SPHKAP: variants seen among roughly 807,000 people sequenced by gnomAD.
SPHKAP encodes the protein A-kinase anchor protein SPHKAP.
A neutral mutation model predicts 137.5 loss-of-function variants in SPHKAP; 67 were observed. That is an observed-to-expected ratio of 0.49 (90% CI 0.40 to 0.60). The LOEUF (loss-of-function observed/expected upper bound fraction) is 0.60. SPHKAP is among the 20% of genes least tolerant of loss of function. The pLI, the probability that SPHKAP is intolerant of heterozygous loss-of-function variation, is 0.00. For synonymous variants in SPHKAP, 813 were observed against 785.3 expected, an observed-to-expected ratio of 1.04 and a Z score of -0.59; for missense variants, 2,097 against 2,069.3, an observed-to-expected ratio of 1.01 and a Z score of -0.26.
At chr2:228,167,972 C>T (rs1277432126) in intron 1 of SPHKAP, among the ~76,000 whole-genome samples, 1 of 152,080 alleles carries the variant, frequency 6.6e-6, no homozygotes, top group Non-Finnish European at 1.5e-5. Flanking sequence ...CTTTAGTATA[C>T]ACTGATATAT....
intron 3 of SPHKAP, among the ~76,000 whole-genome samples, chr2:228,055,648 G>T (rs1265960457): frequency 6.6e-6 from 1 of 152,184 alleles, no homozygotes; most frequent in Non-Finnish European, 1.5e-5. Flanking sequence ...AGGTTAAGGG[G>T]AGCTGGCGAC....
intron 1 of SPHKAP, among the ~76,000 whole-genome samples, chr2:228,162,467 A>T (rs913957439): frequency 3.9e-5 from 6 of 152,228 alleles, no homozygotes; most frequent in African/African-American, 1.4e-4. Context: ...AAACTTGAAC[A>T]AGACCAGTGG....
intron 1 of SPHKAP, among the ~76,000 whole-genome samples, chr2:228,134,488 G>T (rs1488497793): frequency 6.6e-6 from 1 of 152,148 alleles, no homozygotes; most frequent in Non-Finnish European, 1.5e-5. Flanking sequence ...TATCTTTACA[G>T]GTTTCCTACA....
intron 1 of SPHKAP, among the ~76,000 whole-genome samples, chr2:228,135,751 TGTGA>T (rs1165176337): frequency 1.3e-5 from 2 of 152,216 alleles, no homozygotes; most frequent in Non-Finnish European, 2.9e-5. Flanking sequence ...TGTTCATTGT[TGTGA>T]GTATTAAACG....
chr2:228,052,472 A>G (rs1696291497), intron 3 of SPHKAP, among the ~76,000 whole-genome samples: 1 of 152,216 alleles, frequency 6.6e-6, no homozygotes, highest in Non-Finnish European at 1.5e-5. Flanking sequence ...ACAAACAAAA[A>G]GAATCAGAAC....
Position 228,043,789 on chromosome 2 carries a change from TTA to T in SPHKAP, c.247-16248_247-16247del, listed in dbSNP as rs374500616. ...GCATGCTTTACAATTTTGTAGAATT[TTA>T]TGTTTTAACTCTTCCACTAAGCTTC... On this transcript the variant is annotated intron_variant, in intron 3 of 11. Transcript: ENST00000392056. Among the ~76,000 whole-genome samples, 115 of 152,226 alleles carry T rather than the reference TTA, an allele frequency of 7.6e-4. 1 individual carries two copies. Among genetic ancestry groups the T allele is most frequent in the Middle Eastern group, 3.4e-3 (1 of 294 alleles).
At position 227,983,967 on chromosome 2, in the gene SPHKAP, C is replaced by T. The variant is rs558098393; in HGVS notation, c.4960-2107G>A. ...TGCTTCATGCTCATGGTAACAGCCACGGTGGGCCAGCTCATTCACTCCCAT... is the reference window on the plus strand; with the variant it reads ...TGCTTCATGCTCATGGTAACAGCCATGGTGGGCCAGCTCATTCACTCCCAT... On this transcript the variant is annotated intron_variant, in intron 11 of 11. Coordinates refer to ENST00000392056, the MANE Select transcript of SPHKAP (RefSeq NM_001142644.2). 1.2e-3 allele frequency among the ~76,000 whole-genome samples: 179 copies of T among 151,942 alleles called. 5 individuals are homozygous for T. Among genetic ancestry groups the T allele is most frequent in the Admixed American group, 1.0e-3 (16 of 15,240 alleles).
Position 228,019,970 on chromosome 2 carries a change from G to T in SPHKAP, c.884C>A (p.Ala295Asp), listed in dbSNP as rs61752226. 4.1e-5 allele frequency: 66 copies of T among 1,614,158 alleles called. No individual in the cohort carries two copies. The highest frequency in any genetic ancestry group is 2.7e-4 in the African/African-American group (20 of 75,042). The change falls in exon 7 of 12, where the codon GCC (alanine) becomes GAC (aspartate). Residue 295 changes from alanine (A) to aspartate (D), a missense_variant. Physicochemically the swap from Ala to Asp is moderately radical, Grantham distance 126. Transcript: ENST00000392056. ...GGCTGAGGGATCTAGACTCTGCAAG[G>T]CTGTGTTCTTTGTTAGGTTTTCTGG... ...RSPENLTKNT[A>D]LQSLDPSAKP...
intron 2 of SPHKAP, among the ~76,000 whole-genome samples, chr2:228,114,540 A>G (rs1050012547): frequency 6.6e-6 from 1 of 152,144 alleles, no homozygotes; most frequent in African/African-American, 2.4e-5. Context: ...TTTTACGTCT[A>G]TTACATGAAG....
chr2:228,135,140 G>A (rs1455588513), intron 1 of SPHKAP, among the ~76,000 whole-genome samples: 4 of 152,074 alleles, frequency 2.6e-5, no homozygotes, highest in African/African-American at 9.7e-5. Context: ...CGGGCATGGT[G>A]GTGCATGCCT....
At chr2:228,055,748 T>G (rs73096637) in intron 3 of SPHKAP, among the ~76,000 whole-genome samples, 1 of 152,172 alleles carries the variant, frequency 6.6e-6, no homozygotes, top group Non-Finnish European at 1.5e-5. Flanking sequence ...ATCTAAAATC[T>G]ACTACTCCCA....
intron 3 of SPHKAP, among the ~76,000 whole-genome samples, chr2:228,037,787 G>C (rs1289989754): frequency 1.3e-5 from 2 of 152,196 alleles, no homozygotes; most frequent in Admixed American, 1.3e-4. Context: ...GATAGGCCCT[G>C]TCCCAAGGGC....
intron 3 of SPHKAP, among the ~76,000 whole-genome samples, chr2:228,042,160 G>GA (rs1305879387): frequency 1.3e-5 from 2 of 152,152 alleles, no homozygotes; most frequent in African/African-American, 4.8e-5. Flanking sequence ...CTCCTGGAAG[G>GA]AGCTGCATTT....
intron 11 of SPHKAP, among the ~76,000 whole-genome samples, chr2:227,988,167 G>C (rs1693285512): frequency 6.6e-6 from 1 of 152,120 alleles, no homozygotes; most frequent in African/African-American, 2.4e-5. Flanking sequence ...TTATCAAAAT[G>C]TTGCTTAAGG....
Position 228,181,531 on chromosome 2 carries a change from G to T in SPHKAP, c.32+36C>A. ...TCACAACGCGGAACGGAGTTTGATC[G>T]ACATGGTATTGGGCATAGAAAGAAG... On this transcript the variant is annotated intron_variant, in intron 1 of 11. Coordinates refer to ENST00000392056, the MANE Select transcript of SPHKAP (RefSeq NM_001142644.2). This position sits in a 1 kb window ranked among gnomAD's most constrained non-coding sequence, Gnocchi z 4.3. 1 of 1,614,122 alleles carries T rather than the reference G, an allele frequency of 6.2e-7. No individual in the cohort carries two copies. The highest frequency in any genetic ancestry group is 8.5e-7 in the Non-Finnish European group (1 of 1,179,974).
intron 7 of SPHKAP, among the ~76,000 whole-genome samples, chr2:227,999,126 G>A (rs1008324402): frequency 6.6e-6 from 1 of 152,132 alleles, no homozygotes; most frequent in African/African-American, 2.4e-5. Context: ...TCTCCTTTTT[G>A]ATGTGTGAAC....
At chr2:228,107,258 G>T (rs1176337504) in intron 3 of SPHKAP, among the ~76,000 whole-genome samples, 1 of 151,882 alleles carries the variant, frequency 6.6e-6, no homozygotes, top group East Asian at 1.9e-4. Context: ...CATTATCTCA[G>T]CCCCTGGTAA....
Position 228,021,962 on chromosome 2 carries a change from G to A in SPHKAP, c.446C>T (p.Pro149Leu), listed in dbSNP as rs1277120915. 1.3e-6 allele frequency: 2 copies of A among 1,591,222 alleles called. No homozygotes were observed. The highest frequency in any genetic ancestry group is 1.8e-5 in the Admixed American group (1 of 55,916). The change falls in exon 6 of 12, where the codon CCT (proline) becomes CTT (leucine). Residue 149 changes from proline (P) to leucine (L), a missense_variant. Pro to Leu is a moderately conservative substitution (Grantham distance 98, BLOSUM62 -3). Coordinates refer to ENST00000392056, the MANE Select transcript of SPHKAP (RefSeq NM_001142644.2). Reference protein sequence around the residue: ...LQADFEVSQCPWLPDICLVQC... With the variant: ...LQADFEVSQCLWLPDICLVQC... ...GACCAAGCAGATATCTGGCAGCCAA[G>A]GGCACTAAAAGTGGAGAGAAAAGAA...
At chr2:228,045,639 C>T (rs1370431442) in intron 3 of SPHKAP, among the ~76,000 whole-genome samples, 1 of 151,716 alleles carries the variant, frequency 6.6e-6, no homozygotes, top group Non-Finnish European at 1.5e-5. Flanking sequence ...AGGAGATATA[C>T]CTAATGCTAA....
Sources: allele counts gnomAD v4.1 joint callset (sites outside exome capture counted in the v4.1 genomes callset), GRCh38; gene constraint gnomAD v4.1.1; non-coding constraint Gnocchi (gnomAD v3.1); transcripts MANE v1.5; gene names NCBI Gene and HGNC (gene_info 2026-07-23, HGNC 2026-07-21).